EVPLL: variants seen among roughly 807,000 people sequenced by gnomAD.
EVPLL encodes envoplakin-like protein.
EVPLL carries 39 observed loss-of-function variants against 46.2 expected under a neutral mutation model. The ratio of observed to expected loss-of-function variants is 0.84; its 90% CI spans 0.65 to 1.10. EVPLL has a LOEUF of 1.10. Among genes scored for constraint, EVPLL ranks in the 50% least tolerant of loss-of-function variants. The pLI, the probability that EVPLL is intolerant of heterozygous loss-of-function variation, is 0.00. For missense variants in EVPLL, 385 were observed against 412.6 expected (o/e 0.93, Z 0.58); for synonymous variants, 156 against 165.8 (o/e 0.94, Z 0.46).
rs748968120 is a variant in EVPLL at position 18,381,366 on chromosome 17, G to A, written c.64-1G>A. ...CAAGTCTGCCCATCCCCTGCCCACA[G>A]GACCGGCTGAACAGTGAGCAGAGCC... On this transcript the variant is annotated splice_acceptor_variant, in intron 2 of 10. Transcript: ENST00000399134. LOFTEE classifies it high-confidence loss of function. This position sits in a 1 kb window ranked among gnomAD's most constrained non-coding sequence, Gnocchi z 4.2. 1 of 1,556,150 alleles carries A rather than the reference G, an allele frequency of 6.4e-7. No individual in the cohort carries two copies. Among genetic ancestry groups the A allele is most frequent in the Non-Finnish European group, 8.7e-7 (1 of 1,149,650 alleles).
Position 18,381,125 on chromosome 17 carries a change from C to G in EVPLL, c.63+125C>G. 1 of 1,269,934 alleles carries G rather than the reference C, an allele frequency of 7.9e-7. No individual in the cohort carries two copies. The highest frequency in any genetic ancestry group is 1.1e-6 in the Non-Finnish European group (1 of 907,670). The allele number at this position is 1,269,934 out of a possible 1,614,324, so 78.7% of individuals were successfully genotyped here. On this transcript the variant is annotated intron_variant, in intron 2 of 10. Transcript: ENST00000399134. This position sits in a 1 kb window ranked among gnomAD's most constrained non-coding sequence, Gnocchi z 4.2. ...GAAGATGGGACAGATGACATTTGTC[C>G]TGCACCGCCTGTCCCCTAACACACG... is the stretch of plus-strand genomic sequence containing the variant.
chr17:18,380,893 C>T lies in EVPLL; in HGVS notation c.-36-9C>T, dbSNP rs1987541628. The T allele has an allele frequency of 1.9e-6, 3 of 1,561,586 alleles. No homozygotes were observed. The highest frequency in any genetic ancestry group is 2.6e-6 in the Non-Finnish European group (3 of 1,153,346). Reference sequence around the variant, plus strand: ...ACCGAGCTGCCCACTGTCCCCTCCACCCACCAAGAATGCCACCCAGGAGCT... The same window carrying T: ...ACCGAGCTGCCCACTGTCCCCTCCATCCACCAAGAATGCCACCCAGGAGCT... On this transcript the variant is annotated splice_polypyrimidine_tract_variant and intron_variant, in intron 1 of 10. Coordinates refer to ENST00000399134, the MANE Select transcript of EVPLL (RefSeq NM_001145127.2).
intron 1 of EVPLL, among the ~76,000 whole-genome samples, chr17:18,378,545 C>T (rs1247761484): frequency 1.3e-5 from 2 of 152,170 alleles, no homozygotes; most frequent in Non-Finnish European, 2.9e-5. Context: ...GGCGCGGTAG[C>T]TCACGCCTAT....
chr17:18,380,668 C>G, intron 1 of EVPLL: 1 of 454,248 alleles, frequency 2.2e-6, no homozygotes, highest in East Asian at 3.5e-5. Flanking sequence ...TGACACCCAG[C>G]ACCACACAGA....
chr17:18,386,606 G>A (rs1357938708), intron 9 of EVPLL: 1 of 152,084 alleles, frequency 6.6e-6, no homozygotes, highest in Non-Finnish European at 1.5e-5. Context: ...TCTTATAACG[G>A]TGGACACAAA....
intron 9 of EVPLL, among the ~76,000 whole-genome samples, chr17:18,384,501 G>A (rs997685762): frequency 3.3e-5 from 5 of 150,544 alleles, no homozygotes; most frequent in Admixed American, 6.6e-5. Flanking sequence ...AGGCCGAGGC[G>A]GGTGGATCAC....
intron 6 of EVPLL, 67 bp downstream of exon 6, chr17:18,382,931 CG>C: frequency 1.9e-6 from 3 of 1,594,542 alleles, no homozygotes; most frequent in Non-Finnish European, 1.7e-6. Flanking sequence ...GGACCCTGCC[CG>C]GGGCCAGTGT....
chr17:18,385,913 AC>A (rs1424647781), intron 9 of EVPLL, among the ~76,000 whole-genome samples: 3 of 152,086 alleles, frequency 2.0e-5, no homozygotes, highest in African/African-American at 4.8e-5. Context: ...GCAAACCTAC[AC>A]CCAGCAAAAG....
intron 8 of EVPLL, 49 bp downstream of exon 8, chr17:18,383,427 A>AGGGGGGGGGGGGGGAG: frequency 3.8e-6 from 1 of 266,116 alleles, no homozygotes; most frequent in Admixed American, 9.4e-5. Context: ...TGGGCGGGGA[A>AGGGGGGGGGGGGGGAG]GGGGGGGGTG....
At position 18,383,059 on chromosome 17, in the gene EVPLL, G is replaced by A. The variant is rs1167299494; in HGVS notation, c.546G>A (p.Gln182=). The change falls in exon 7 of 11, where the codon CAG becomes CAA. Residue 182 remains glutamine, a synonymous_variant. Transcript: ENST00000399134. ...TCGTGGCGCGGGCAGAGCCTGGGCA[G>A]CCTGTACACGCACTGCAGGGCTGCA... The part of the protein sequence containing the change: ...GGVVARAEPG[Q]PVHALQGCTW... 2 of 1,559,946 alleles carry A rather than the reference G, an allele frequency of 1.3e-6. No homozygotes were observed. The highest frequency in any genetic ancestry group is 2.4e-5 in the East Asian group (1 of 42,276).
Position 18,389,413 on chromosome 17 carries a change from T to C in EVPLL, c.*597T>C, listed in dbSNP as rs1400711495. 1 of 110,828 alleles carries C rather than the reference T, an allele frequency of 9.0e-6. No individual in the cohort carries two copies. The highest frequency in any genetic ancestry group is 1.9e-5 in the Non-Finnish European group (1 of 52,402). 6.9% of individuals were successfully genotyped at this position (110,828 alleles called of 1,614,324 possible). A position where few individuals can be genotyped will look rare whatever the true frequency, so the allele number is the denominator to read the frequency against. On this transcript the variant is annotated 3_prime_UTR_variant, in exon 11 of 11. Coordinates refer to ENST00000399134, the MANE Select transcript of EVPLL (RefSeq NM_001145127.2). Reference sequence around the variant, plus strand: ...CCTCCAGGCATGGAGGTCTGTCCACTACTGGGCTTCTGGGCTATTTGCCCC... The same window carrying C: ...CCTCCAGGCATGGAGGTCTGTCCACCACTGGGCTTCTGGGCTATTTGCCCC...
At chr17:18,387,080 T>C (rs1168223019) in intron 9 of EVPLL, among the ~76,000 whole-genome samples, 1 of 150,126 alleles carries the variant, frequency 6.7e-6, no homozygotes, top group Non-Finnish European at 1.5e-5. Context: ...TTTGTATTTT[T>C]AGTAGAGACG....
intron 4 of EVPLL, chr17:18,382,308 A>ACTGCAGAATGGCCTCTGCAGTGGCCACC (rs1987604674): frequency 2.0e-6 from 1 of 505,910 alleles, no homozygotes; most frequent in African/African-American, 1.9e-5. Context: ...CTCAGGGGCC[A>ACTGCAGAATGGCCTCTGCAGTGGCCACC]CTGCAGAATG....
intron 9 of EVPLL, chr17:18,386,483 A>G (rs1987767049): frequency 6.6e-6 from 1 of 152,178 alleles, no homozygotes; most frequent in Admixed American, 6.6e-5. Context: ...GCATCTAAAA[A>G]GTGTCTGCCC....
chr17:18,383,773 G>A (rs1228509233), intron 9 of EVPLL, 186 bp downstream of exon 9: 1 of 598,674 alleles, frequency 1.7e-6, no homozygotes, highest in African/African-American at 1.9e-5. Context: ...AGGAGTTCGA[G>A]ATCAGCCTGG....
rs572265413 is a variant in EVPLL at position 18,382,302 on chromosome 17, G to A, written c.347-211G>A. 1.2e-4 allele frequency: 60 copies of A among 491,692 alleles called. No individual in the cohort carries two copies. In the Admixed American group the frequency reaches 1.6e-3, roughly 13 times the overall value. The allele number at this position is 491,692 out of a possible 1,614,324, so 30.5% of individuals were successfully genotyped here. ...AGCGTCTGGGAACCAGTGGGACTCAGGGGCCACTGCAGAATGGCCTCTGCA... is the reference window on the plus strand; with the variant it reads ...AGCGTCTGGGAACCAGTGGGACTCAAGGGCCACTGCAGAATGGCCTCTGCA... On this transcript the variant is annotated intron_variant, in intron 4 of 10. Coordinates refer to ENST00000399134, the MANE Select transcript of EVPLL (RefSeq NM_001145127.2).
chr17:18,388,363 C>T (rs1188109380), intron 10 of EVPLL, 75 bp downstream of exon 10: 1 of 714,718 alleles, frequency 1.4e-6, no homozygotes, highest in Non-Finnish European at 2.4e-6. Context: ...TCATCCCCAG[C>T]CTAGTCTCAA....
chr17:18,382,362 G>C, intron 4 of EVPLL, 151 bp from the exon 5 acceptor site: 1 of 1,042,206 alleles, frequency 9.6e-7, no homozygotes, highest in Admixed American at 2.6e-5. Context: ...GCTCACCCTG[G>C]GTGAGCTGCA....
intron 9 of EVPLL, among the ~76,000 whole-genome samples, chr17:18,384,509 C>G (rs1402258177): frequency 6.6e-6 from 1 of 150,974 alleles, no homozygotes; most frequent in Non-Finnish European, 1.5e-5. Flanking sequence ...GCGGGTGGAT[C>G]ACTTGAGCCC....
Sources: allele counts gnomAD v4.1 joint callset (sites outside exome capture counted in the v4.1 genomes callset), GRCh38; gene constraint gnomAD v4.1.1; non-coding constraint Gnocchi (gnomAD v3.1); transcripts MANE v1.5; gene names NCBI Gene and HGNC (gene_info 2026-07-23, HGNC 2026-07-21).